Variants in FGD4 observed in about 807,000 individuals in gnomAD.
FGD4 encodes FYVE, RhoGEF and PH domain-containing protein 4.
A neutral mutation model predicts 102.0 loss-of-function variants in FGD4; 42 were observed. The observed-to-expected ratio is 0.41, with a 90% CI of 0.32 to 0.53. The LOEUF is 0.53. Ranked by LOEUF, FGD4 falls within the 20% of genes least tolerant of loss-of-function variation. The probability of loss-of-function intolerance (pLI) is 0.21; values close to 1 mark genes in which losing one functional copy is unlikely to be tolerated. For missense variants in FGD4, 902 were observed against 1,078.2 expected (o/e 0.84, Z 2.29); for synonymous variants, 380 against 375.7 (o/e 1.01, Z -0.13).
chr12:32,612,055 G>A (rs1041665732), intron 10 of FGD4, among the ~76,000 whole-genome samples: 2 of 152,266 alleles, frequency 1.3e-5, no homozygotes, highest in Admixed American at 6.5e-5. Context: ...ACTTGGGGCA[G>A]CGCTGATATG....
intron 1 of FGD4, among the ~76,000 whole-genome samples, chr12:32,455,184 C>A (rs1942916375): frequency 6.6e-6 from 1 of 152,134 alleles, no homozygotes; most frequent in South Asian, 2.1e-4. Context: ...ATTTCTTTGA[C>A]AATAACATTG....
chr12:32,560,690 C>CT (rs1259698373), intron 1 of FGD4, among the ~76,000 whole-genome samples: 12 of 151,216 alleles, frequency 7.9e-5, no homozygotes, highest in Admixed American at 3.3e-4. Context: ...CCACCCCTGC[C>CT]TTTTTTTTTC....
chr12:32,399,879 G>C lies in FGD4; in HGVS notation c.86G>C (p.Arg29Pro). ...NPSYLPPGVPRPWSRPASHLG... is the reference protein window; with the variant it reads ...NPSYLPPGVPPPWSRPASHLG... ...TCCTACCTGCCGCCCGGGGTGCCCC[G>C]GCCCTGGAGCAGGCCCGCGTCGCAC... Residue 29 changes from arginine to proline, a missense_variant, in exon 1 of 17, where the codon CGG becomes CCG. By Grantham distance (103) the Arg-to-Pro change is moderately radical (BLOSUM62 -2). Coordinates refer to ENST00000534526, the MANE Select transcript of FGD4 (RefSeq NM_001370298.3). 1 of 1,531,090 alleles carries C rather than the reference G, an allele frequency of 6.5e-7. No homozygotes were observed. Among genetic ancestry groups the C allele is most frequent in the Non-Finnish European group, 8.7e-7 (1 of 1,145,112 alleles). 94.8% of individuals were successfully genotyped at this position (1,531,090 alleles called of 1,614,324 possible). A position where few individuals can be genotyped will look rare whatever the true frequency, so the allele number is the denominator to read the frequency against.
intron 1 of FGD4, among the ~76,000 whole-genome samples, chr12:32,484,397 T>C (rs1380310447): frequency 6.6e-6 from 1 of 152,168 alleles, no homozygotes; most frequent in Non-Finnish European, 1.5e-5. Context: ...CATAGAAACA[T>C]AATAATTTTA....
At chr12:32,439,534 C>T (rs1942355182) in intron 1 of FGD4, among the ~76,000 whole-genome samples, 1 of 152,162 alleles carries the variant, frequency 6.6e-6, no homozygotes, top group Non-Finnish European at 1.5e-5. Context: ...TTTTGAAGAA[C>T]CTTCATACTG....
chr12:32,430,101 A>G (rs567344422), intron 1 of FGD4, among the ~76,000 whole-genome samples: 1 of 152,160 alleles, frequency 6.6e-6, no homozygotes, highest in African/African-American at 2.4e-5. Context: ...TGAGGTCAGG[A>G]GTTTGGGACT....
At chr12:32,583,804 G>C (rs1397151238) in intron 4 of FGD4, among the ~76,000 whole-genome samples, 2 of 152,230 alleles carry the variant, frequency 1.3e-5, no homozygotes, top group East Asian at 3.8e-4. Context: ...ACATTGCAAA[G>C]TGAATCCCTA....
rs1243894143 is a variant in FGD4 at position 32,638,709 on chromosome 12, A to T, written c.2368A>T (p.Met790Leu). Residue 790 changes from methionine to leucine, a missense_variant, in exon 16 of 17, where the codon ATG becomes TTG. Met to Leu is a conservative substitution (Grantham distance 15, BLOSUM62 2). Around this residue, in one of 2 missense-constraint regions of FGD4, gnomAD observed 459 missense variants for 619.0 expected, o/e 0.74. Transcript: ENST00000534526. ...TGTGGTGTGCAGCTTTCTTCAGTAT[A>T]TGGAGAAGTCAAAACCTTGGCAGAA... is the stretch of plus-strand genomic sequence containing the variant. Reference protein sequence around the residue: ...NSVVCSFLQYMEKSKPWQKAW... With the variant: ...NSVVCSFLQYLEKSKPWQKAW... The T allele has an allele frequency of 6.2e-7, 1 of 1,614,188 alleles. No homozygotes were observed. Among genetic ancestry groups the T allele is most frequent in the Non-Finnish European group, 8.5e-7 (1 of 1,180,026 alleles).
At chr12:32,479,769 A>G (rs1213854926) in intron 1 of FGD4, among the ~76,000 whole-genome samples, 7 of 148,742 alleles carry the variant, frequency 4.7e-5, no homozygotes, top group Non-Finnish European at 1.0e-4. Flanking sequence ...AAGCAGAAAA[A>G]TTTATAAAGC....
At chr12:32,487,707 G>A (rs966117919) in intron 1 of FGD4, among the ~76,000 whole-genome samples, 12 of 152,188 alleles carry the variant, frequency 7.9e-5, no homozygotes, top group African/African-American at 2.2e-4. Context: ...GATTACAGGC[G>A]TGAGCCACCA....
chr12:32,598,849 G>A (rs1372822432), intron 5 of FGD4, among the ~76,000 whole-genome samples: 1 of 152,182 alleles, frequency 6.6e-6, no homozygotes, highest in Non-Finnish European at 1.5e-5. Context: ...TTAAACACTA[G>A]TCTGTTTCCT....
chr12:32,429,807 T>C (rs114739648), intron 1 of FGD4, among the ~76,000 whole-genome samples: 2,014 of 152,296 alleles, frequency 0.013, 63 homozygotes, highest in African/African-American at 0.046. Flanking sequence ...TTAGCTATAA[T>C]TAGCAGTGAG....
At chr12:32,557,992 A>C (rs1188629073) in intron 1 of FGD4, among the ~76,000 whole-genome samples, 1 of 152,214 alleles carries the variant, frequency 6.6e-6, no homozygotes, top group Non-Finnish European at 1.5e-5. Context: ...TTAACATCAC[A>C]TGATAATCAT....
At chr12:32,400,956 A>G (rs1211593855) in intron 1 of FGD4, among the ~76,000 whole-genome samples, 1 of 152,224 alleles carries the variant, frequency 6.6e-6, no homozygotes, top group Non-Finnish European at 1.5e-5. Flanking sequence ...TTAAAAAGAT[A>G]TAACTACAGT....
Position 32,606,879 on chromosome 12 carries a change from C to T in FGD4, c.1405-1078C>T, listed in dbSNP as rs186577068. ...GAGCTCTATTTACAGAATTTGGTTT[C>T]TAATGAAAAAGAATGCTTTGAACTG... On this transcript the variant is annotated intron_variant, in intron 7 of 16. Transcript: ENST00000534526. Among the ~76,000 whole-genome samples the T allele has an allele frequency of 1.8e-3, 271 of 152,190 alleles. 1 individual carries two copies. Among genetic ancestry groups the T allele is most frequent in the Middle Eastern group, 6.8e-3 (2 of 294 alleles).
At chr12:32,537,229 A>T (rs1488296373) in intron 1 of FGD4, among the ~76,000 whole-genome samples, 1 of 152,072 alleles carries the variant, frequency 6.6e-6, no homozygotes, top group Non-Finnish European at 1.5e-5. Flanking sequence ...ATTATTTCTT[A>T]TGCTTAGTCC....
At chr12:32,400,382 G>A (rs1307636687) in intron 1 of FGD4, among the ~76,000 whole-genome samples, 1 of 152,188 alleles carries the variant, frequency 6.6e-6, no homozygotes, top group Non-Finnish European at 1.5e-5. Flanking sequence ...GACAACCTAG[G>A]TGTGGTGAGC....
At chr12:32,499,241 G>A (rs1383367697) in intron 1 of FGD4, among the ~76,000 whole-genome samples, 3 of 152,198 alleles carry the variant, frequency 2.0e-5, no homozygotes, top group Admixed American at 6.5e-5. Flanking sequence ...CTTCCAAAGC[G>A]GTTTTATCTT....
In FGD4 at chr12:32,399,939, A is replaced by G; in HGVS notation, c.146A>G (p.Gln49Arg). 1 of 1,500,936 alleles carries G rather than the reference A, an allele frequency of 6.7e-7. No individual in the cohort carries two copies. Among genetic ancestry groups the G allele is most frequent in the Non-Finnish European group, 8.8e-7 (1 of 1,131,330 alleles). The allele number at this position is 1,500,936 out of a possible 1,614,324, so 93.0% of individuals were successfully genotyped here. The change falls in exon 1 of 17, where the codon CAG becomes CGG. Residue 49 changes from glutamine (Q) to arginine (R), a missense_variant. This residue lies in a region of FGD4 where 443 missense variants were observed against 459.2 expected (regional missense o/e 0.96). Transcript: ENST00000534526. ...GTAGGGACCGCTGCCTTCAAGGGCC[A>G]GGTGCCCTCAGGAGCCACAGGTAAG... ...GRVGTAAFKG[Q>R]VPSGATGSST...
Sources: gnomAD v4.1 joint callset for allele counts (sites outside exome capture counted in the v4.1 genomes callset) on GRCh38, gnomAD v4.1.1 for gene constraint, gnomAD v4.1.1 regional missense constraint, MANE v1.5 for transcripts, NCBI Gene and HGNC (gene_info 2026-07-23, HGNC 2026-07-21) for gene names.